The following TMPRSS4 variants were observed in gnomAD, a reference collection of about 807,000 sequenced individuals.
The protein encoded by TMPRSS4 is transmembrane protease serine 4.
Under a neutral mutation model 56.4 loss-of-function variants are expected in TMPRSS4, and 45 were observed. The ratio of observed to expected loss-of-function variants is 0.80; its 90% CI spans 0.63 to 1.02. The LOEUF (loss-of-function observed/expected upper bound fraction) is 1.02, where lower values mean the gene tolerates loss of function less well. TMPRSS4 is among the 50% of genes least tolerant of loss of function. TMPRSS4 has a pLI of 0.00. For missense variants in TMPRSS4, 546 were observed against 556.7 expected, an observed-to-expected ratio of 0.98 and a Z score of 0.19; for synonymous variants, 205 against 211.0, an observed-to-expected ratio of 0.97 and a Z score of 0.25.
chr11:118,107,513 C>A (rs1947054040), intron 5 of TMPRSS4: 7 of 349,080 alleles, frequency 2.0e-5, no homozygotes, highest in Middle Eastern at 7.6e-4. Context: ...GCTCTGGGTT[C>A]TGGATTTGGA....
chr11:118,113,658 C>T (rs1328640090), intron 9 of TMPRSS4, among the ~76,000 whole-genome samples: 1 of 152,186 alleles, frequency 6.6e-6, no homozygotes, highest in Admixed American at 6.5e-5. Flanking sequence ...TCTTCCAAGG[C>T]CTGTCTTCCC....
In TMPRSS4 at chr11:118,120,744, T is replaced by C. The variant is rs970955321; in HGVS notation, c.*2831T>C. ...AGGCCAGGAGCAATGAAGCCTAGAA[T>C]GGTAAATTCTAACATATCCAGAATC... On this transcript the variant is annotated 3_prime_UTR_variant, in exon 13 of 13. Coordinates refer to ENST00000437212, the MANE Select transcript of TMPRSS4 (RefSeq NM_019894.4). The C allele has an allele frequency of 2.6e-5, 4 of 152,188 alleles. No homozygotes were observed. The highest frequency in any genetic ancestry group is 9.6e-5 in the African/African-American group (4 of 41,536). 9.4% of individuals were successfully genotyped at this position (152,188 alleles called of 1,614,324 possible).
intron 9 of TMPRSS4, 22 bp from the exon 10 acceptor site, chr11:118,114,807 T>C (rs1947452228): frequency 6.3e-7 from 1 of 1,581,068 alleles, no homozygotes; most frequent in Non-Finnish European, 8.6e-7. Flanking sequence ...AAGATCTCCT[T>C]CTTCCTCTGT....
intron 3 of TMPRSS4, among the ~76,000 whole-genome samples, chr11:118,099,542 A>G (rs1946627868): frequency 6.6e-6 from 1 of 152,152 alleles, no homozygotes; most frequent in Non-Finnish European, 1.5e-5. Context: ...CCTTCTTCTA[A>G]AAGTGAAAGG....
downstream of TMPRSS4, chr11:118,125,298 A>G: frequency 2.2e-6 from 1 of 456,768 alleles, no homozygotes; most frequent in Non-Finnish European, 4.4e-6. Flanking sequence ...TCCCTAGGAT[A>G]GAACTATTCA....
rs1412575850 is a variant in TMPRSS4, at chr11:118,117,336, C to T, written c.1184C>T (p.Ser395Phe). The change falls in exon 12 of 13, where the codon TCT (serine) becomes TTT (phenylalanine). Residue 395 changes from serine (S) to phenylalanine (F), a missense_variant. Transcript: ENST00000437212. ...GDSGGPLMYQ[S>F]DQWHVVGIVS... ...AGTGGTGGGCCCCTGATGTACCAATCTGACCAGTGGCATGTGGTGGGCATC... is the reference window on the plus strand; with the variant it reads ...AGTGGTGGGCCCCTGATGTACCAATTTGACCAGTGGCATGTGGTGGGCATC... 1.2e-6 allele frequency: 2 copies of T among 1,614,184 alleles called. No individual in the cohort carries two copies. Among genetic ancestry groups the T allele is most frequent in the Admixed American group, 3.3e-5 (2 of 60,018 alleles).
chr11:118,097,747 C>T (rs1034079481), intron 2 of TMPRSS4, among the ~76,000 whole-genome samples: 1 of 152,100 alleles, frequency 6.6e-6, no homozygotes, highest in Non-Finnish European at 1.5e-5. Context: ...TTCCAATCCA[C>T]CTCCTCCCTG....
intron 1 of TMPRSS4, among the ~76,000 whole-genome samples, chr11:118,078,096 T>G (rs940091102): frequency 6.7e-5 from 10 of 149,524 alleles, no homozygotes; most frequent in African/African-American, 2.5e-4. Flanking sequence ...ATCTAGGGTG[T>G]TTGTGGTCAT....
rs1226777843 is a variant in TMPRSS4, at chr11:118,111,841, C to T, written c.684C>T (p.His228=). 2 of 1,608,638 alleles carry T rather than the reference C, an allele frequency of 1.2e-6. No individual in the cohort carries two copies. The highest frequency in any genetic ancestry group is 1.7e-6 in the Non-Finnish European group (2 of 1,177,798). Residue 228 remains histidine (H), a synonymous_variant, in exon 8 of 13, where the codon CAC becomes CAT. Transcript: ENST00000437212. ...TCAGCATCCAGTACGACAAACAGCA[C>T]GTCTGTGGAGGGAGCATCCTGGACC... The part of the protein sequence containing the change: ...WQVSIQYDKQ[H]VCGGSILDPH...
chr11:118,114,105 T>C (rs138274954), intron 9 of TMPRSS4, among the ~76,000 whole-genome samples: 1 of 152,250 alleles, frequency 6.6e-6, no homozygotes, highest in African/African-American at 2.4e-5. Context: ...CTACATTTTT[T>C]AAATTTATTT....
chr11:118,123,384 CAAGAATTAGAGGAACAAAACAT>C (rs1290397525), downstream of TMPRSS4, among the ~76,000 whole-genome samples: 2 of 152,054 alleles, frequency 1.3e-5, no homozygotes, highest in East Asian at 1.9e-4. Context: ...ACAGGAAATA[CAAGAATTAGAGGAACAAAACAT>C]AAGAATTAGA....
intron 3 of TMPRSS4, among the ~76,000 whole-genome samples, chr11:118,102,114 A>C (rs544261600): frequency 1.8e-4 from 27 of 152,180 alleles, no homozygotes; most frequent in Non-Finnish European, 3.5e-4. Context: ...CTGAGGTATA[A>C]AGCCCAGCAA....
chr11:118,105,007 G>A (rs1253539674), intron 5 of TMPRSS4, among the ~76,000 whole-genome samples, 187 bp downstream of exon 5: 1 of 152,162 alleles, frequency 6.6e-6, no homozygotes, highest in Non-Finnish European at 1.5e-5. Flanking sequence ...AGGTTCCTCA[G>A]GAGTTAATTG....
intron 6 of TMPRSS4, 145 bp downstream of exon 6, chr11:118,108,020 A>G (rs1017435806): frequency 6.3e-6 from 4 of 637,702 alleles, no homozygotes; most frequent in African/African-American, 1.8e-5. Flanking sequence ...TGGATCATTC[A>G]ATGCCAAGAG....
At chr11:118,117,502 C>T (rs769800249) in intron 12 of TMPRSS4, 48 bp downstream of exon 12, 49 of 1,572,178 alleles carry the variant, frequency 3.1e-5, no homozygotes, top group Middle Eastern at 3.4e-4. Flanking sequence ...CAGTCCTCTA[C>T]CTGGGGGGTG....
intron 11 of TMPRSS4, 143 bp downstream of exon 11, chr11:118,115,423 G>A (rs1591411604): frequency 4.9e-6 from 5 of 1,023,612 alleles, no homozygotes; most frequent in East Asian, 2.6e-5. Context: ...AAGAGAGGGA[G>A]GGAAGGAAAG....
chr11:118,101,980 T>C (rs929212783), intron 3 of TMPRSS4, among the ~76,000 whole-genome samples: 1 of 152,202 alleles, frequency 6.6e-6, no homozygotes, highest in Non-Finnish European at 1.5e-5. Flanking sequence ...TTTTTACTTA[T>C]ATATTTTAAT....
chr11:118,086,544 G>A (rs1028674350), intron 1 of TMPRSS4, among the ~76,000 whole-genome samples: 2 of 152,238 alleles, frequency 1.3e-5, no homozygotes, highest in Non-Finnish European at 2.9e-5. Flanking sequence ...GATGCCCAGC[G>A]GCATATGGCC....
intron 1 of TMPRSS4, among the ~76,000 whole-genome samples, chr11:118,085,752 T>A (rs929300185): frequency 8.5e-5 from 13 of 152,150 alleles, no homozygotes; most frequent in African/African-American, 3.1e-4. Context: ...GCGGGACCCC[T>A]TCTGGCCCTC....
Sources: gnomAD v4.1 joint callset for allele counts (sites outside exome capture counted in the v4.1 genomes callset) on GRCh38, gnomAD v4.1.1 for gene constraint, MANE v1.5 for transcripts, NCBI Gene and HGNC (gene_info 2026-07-23, HGNC 2026-07-21) for gene names.